The following PDE4B variants were observed in gnomAD, a reference collection of about 807,000 sequenced individuals.
PDE4B encodes the protein phosphodiesterase 4B.
Under a neutral mutation model 82.2 loss-of-function variants are expected in PDE4B, and 20 were observed. The observed-to-expected ratio is 0.24, with a 90% CI of 0.17 to 0.35. PDE4B has a LOEUF of 0.35. PDE4B is among the 10% of genes least tolerant of loss of function. The pLI, the probability that PDE4B is intolerant of heterozygous loss-of-function variation, is 1.00. For synonymous variants in PDE4B, 320 were observed against 318.9 expected (o/e 1.00, Z -0.04); for missense variants, 655 against 907.2 (o/e 0.72, Z 3.57).
At chr1:65,940,831 C>A (rs150385180) in intron 3 of PDE4B, among the ~76,000 whole-genome samples, 10 of 151,794 alleles carry the variant, frequency 6.6e-5, no homozygotes, top group African/African-American at 1.7e-4. Context: ...GGGTTTCAGA[C>A]GAGAGAGTGA....
intron 7 of PDE4B, among the ~76,000 whole-genome samples, chr1:66,290,226 G>A (rs1216219883): frequency 6.6e-6 from 1 of 152,154 alleles, no homozygotes; most frequent in Non-Finnish European, 1.5e-5. Context: ...CAGAAAGCAG[G>A]TTGAGGTGTT....
intron 7 of PDE4B, among the ~76,000 whole-genome samples, chr1:66,308,810 G>T (rs1658466251): frequency 6.6e-6 from 1 of 152,124 alleles, no homozygotes; most frequent in Non-Finnish European, 1.5e-5. Context: ...ATTTTTATTG[G>T]ATAGAAAGTG....
chr1:66,247,976 A>G (rs1325731932), intron 4 of PDE4B, among the ~76,000 whole-genome samples: 1 of 152,180 alleles, frequency 6.6e-6, no homozygotes, highest in African/African-American at 2.4e-5. Context: ...AACACTTTTT[A>G]TACATCACAC....
chr1:66,115,093 T>G (rs2101061372), intron 3 of PDE4B, among the ~76,000 whole-genome samples: 1 of 152,352 alleles, frequency 6.6e-6, no homozygotes, highest in South Asian at 2.1e-4. Flanking sequence ...TTGTTGAAAT[T>G]GTGTGATCAT....
At chr1:66,094,742 G>A (rs1055831381) in intron 3 of PDE4B, among the ~76,000 whole-genome samples, 3 of 151,914 alleles carry the variant, frequency 2.0e-5, no homozygotes, top group Non-Finnish European at 4.4e-5. Flanking sequence ...TTCATCTAAA[G>A]CACCATAATA....
intron 3 of PDE4B, among the ~76,000 whole-genome samples, chr1:66,199,428 C>T (rs1176076200): frequency 1.3e-5 from 2 of 152,150 alleles, no homozygotes; most frequent in Non-Finnish European, 2.9e-5. Flanking sequence ...AGTGTCTGTT[C>T]ATATCCTTCG....
At chr1:65,836,639 A>G (rs1557771387) in intron 1 of PDE4B, among the ~76,000 whole-genome samples, 1 of 151,668 alleles carries the variant, frequency 6.6e-6, no homozygotes, top group Non-Finnish European at 1.5e-5. Flanking sequence ...ACTCCTCTAC[A>G]TTTTTGTTTC....
At chr1:65,854,169 A>C (rs577888959) in intron 1 of PDE4B, among the ~76,000 whole-genome samples, 2 of 151,708 alleles carry the variant, frequency 1.3e-5, no homozygotes, top group Non-Finnish European at 2.9e-5. Context: ...CTCTCCTTTT[A>C]AAAGACTGTA....
intron 3 of PDE4B, among the ~76,000 whole-genome samples, chr1:66,111,583 C>A (rs1323162977): frequency 6.6e-6 from 1 of 152,072 alleles, no homozygotes; most frequent in African/African-American, 2.4e-5. Flanking sequence ...TATGTTGTAG[C>A]ATGCATTAGA....
intron 3 of PDE4B, among the ~76,000 whole-genome samples, chr1:66,207,448 C>T (rs1185971042): frequency 6.6e-6 from 1 of 152,070 alleles, no homozygotes; most frequent in African/African-American, 2.4e-5. Flanking sequence ...AAATTAATTT[C>T]CCATCAGTTA....
At chr1:66,075,957 C>T (rs1174343644) in intron 3 of PDE4B, among the ~76,000 whole-genome samples, 2 of 151,816 alleles carry the variant, frequency 1.3e-5, no homozygotes, top group Non-Finnish European at 2.9e-5. Context: ...CCAAGCAAAA[C>T]AAGTCTGGGA....
At chr1:66,368,678 C>A (rs1663433508) in intron 15 of PDE4B, 109 bp from the exon 16 acceptor site, 2 of 770,102 alleles carry the variant, frequency 2.6e-6, no homozygotes, top group Non-Finnish European at 3.8e-6. Flanking sequence ...TATAATGCAA[C>A]TAAAATGTTC....
At chr1:66,265,932 C>A (rs1222049638) in intron 6 of PDE4B, 106 bp from the exon 7 acceptor site, 4 of 803,272 alleles carry the variant, frequency 5.0e-6, no homozygotes, top group Non-Finnish European at 8.8e-6. Context: ...CTACATAGTT[C>A]ATTATGACCT....
chr1:66,052,972 G>T (rs12753778), intron 3 of PDE4B, among the ~76,000 whole-genome samples: 12,529 of 152,170 alleles, frequency 0.082, 972 homozygotes, highest in East Asian at 0.26. Flanking sequence ...ATGTAATAAA[G>T]TGTCATTAGG....
intron 3 of PDE4B, among the ~76,000 whole-genome samples, chr1:66,047,214 C>T (rs991173494): frequency 6.6e-6 from 1 of 151,710 alleles, no homozygotes; most frequent in African/African-American, 2.4e-5. Flanking sequence ...TGGAGTTTGA[C>T]TGATTTAGTT....
At chr1:66,292,391 C>T (rs766830627) in intron 7 of PDE4B, among the ~76,000 whole-genome samples, 1 of 152,180 alleles carries the variant, frequency 6.6e-6, no homozygotes, top group African/African-American at 2.4e-5. Flanking sequence ...CTCATAGCTA[C>T]TGAGTGGCAA....
intron 1 of PDE4B, among the ~76,000 whole-genome samples, chr1:65,827,008 A>C (rs1297595452): frequency 6.6e-6 from 1 of 152,186 alleles, no homozygotes; most frequent in Non-Finnish European, 1.5e-5. Flanking sequence ...GCTTCTGAAA[A>C]ATTACTGCAT....
At chr1:65,908,073 T>C (rs1569638333) in intron 1 of PDE4B, among the ~76,000 whole-genome samples, 2 of 152,154 alleles carry the variant, frequency 1.3e-5, no homozygotes, top group Admixed American at 6.6e-5. Context: ...AAGTGCGTTA[T>C]TGGCCTACTG....
At chr1:66,060,121 T>G (rs950283814) in intron 3 of PDE4B, among the ~76,000 whole-genome samples, 1 of 152,238 alleles carries the variant, frequency 6.6e-6, no homozygotes, top group Admixed American at 6.5e-5. Flanking sequence ...CTCTTATTTG[T>G]TTCAGAAGGG....
Sources: gnomAD v4.1 joint callset for allele counts (sites outside exome capture counted in the v4.1 genomes callset) on GRCh38, gnomAD v4.1.1 for gene constraint, MANE v1.5 for transcripts, NCBI Gene and HGNC (gene_info 2026-07-23, HGNC 2026-07-21) for gene names.